Variants in MALRD1 observed in about 807,000 individuals in gnomAD.
The protein encoded by MALRD1 is MAM and LDL-receptor class A domain-containing protein 1.
In MALRD1, 247 loss-of-function variants were observed where a neutral mutation model predicts 242.1. The ratio of observed to expected loss-of-function variants is 1.02; its 90% CI spans 0.92 to 1.13. The LOEUF (loss-of-function observed/expected upper bound fraction) is 1.13, where lower values mean the gene tolerates loss of function less well. Among genes scored for constraint, MALRD1 ranks in the 50% most tolerant of loss-of-function variants. The pLI, the probability that MALRD1 is intolerant of heterozygous loss-of-function variation, is 0.00. For synonymous variants in MALRD1, 995 were observed against 866.6 expected (o/e 1.15, Z -2.60); for missense variants, 2,989 against 2,533.1 (o/e 1.18, Z -3.86).
intron 36 of MALRD1, among the ~76,000 whole-genome samples, chr10:19,673,844 T>C (rs571738302): frequency 1.1e-4 from 16 of 151,880 alleles, no homozygotes; most frequent in African/African-American, 3.9e-4. Flanking sequence ...TTAATATATG[T>C]ACATAATATT....
intron 18 of MALRD1, among the ~76,000 whole-genome samples, chr10:19,219,683 C>G (rs772497686): frequency 6.6e-6 from 1 of 152,264 alleles, no homozygotes; most frequent in South Asian, 2.1e-4. Flanking sequence ...CTTGGCCTCC[C>G]AGAGTGTTGG....
At chr10:19,142,731 T>C (rs1833595487) in intron 10 of MALRD1, among the ~76,000 whole-genome samples, 1 of 152,206 alleles carries the variant, frequency 6.6e-6, no homozygotes, top group Non-Finnish European at 1.5e-5. Context: ...TAGATTTTTT[T>C]AGATTTTGCA....
chr10:19,389,870 C>T (rs553167176), intron 28 of MALRD1, among the ~76,000 whole-genome samples: 93 of 152,196 alleles, frequency 6.1e-4, no homozygotes, highest in Admixed American at 1.1e-3. Context: ...CTTTGTTGCC[C>T]AGGCTTATCT....
intron 21 of MALRD1, among the ~76,000 whole-genome samples, chr10:19,294,688 T>C (rs912667963): frequency 6.6e-6 from 1 of 152,174 alleles, no homozygotes; most frequent in Admixed American, 6.5e-5. Context: ...ATTCTCTATC[T>C]TTGGATTTTG....
intron 28 of MALRD1, among the ~76,000 whole-genome samples, chr10:19,436,936 C>G (rs1377405312): frequency 1.3e-5 from 2 of 152,144 alleles, no homozygotes; most frequent in Non-Finnish European, 2.9e-5. Context: ...TTCCCATACT[C>G]CTGGACCACT....
intron 28 of MALRD1, among the ~76,000 whole-genome samples, chr10:19,390,359 T>A (rs1457982339): frequency 6.6e-6 from 1 of 152,194 alleles, no homozygotes; most frequent in East Asian, 1.9e-4. Context: ...CTCAGGAGAA[T>A]CATCAAGGTA....
chr10:19,325,270 C>A (rs1247700868), intron 22 of MALRD1, among the ~76,000 whole-genome samples: 1 of 151,942 alleles, frequency 6.6e-6, no homozygotes, highest in East Asian at 1.9e-4. Flanking sequence ...ATAAGAGTCC[C>A]TCTTAACGAA....
At chr10:19,553,187 A>G (rs1835566996) in intron 32 of MALRD1, among the ~76,000 whole-genome samples, 1 of 152,076 alleles carries the variant, frequency 6.6e-6, no homozygotes, top group African/African-American at 2.4e-5. Flanking sequence ...CCCTCAAGAA[A>G]CTGTTAAATA....
chr10:19,521,214 A>G (rs1833866606), intron 31 of MALRD1, among the ~76,000 whole-genome samples: 2 of 152,142 alleles, frequency 1.3e-5, no homozygotes, highest in South Asian at 2.1e-4. Flanking sequence ...AGAATCTTCT[A>G]AATATGTATT....
intron 29 of MALRD1, among the ~76,000 whole-genome samples, chr10:19,478,962 A>G (rs529162001): frequency 6.6e-6 from 1 of 152,324 alleles, no homozygotes; most frequent in South Asian, 2.1e-4. Context: ...AATTCATTGA[A>G]TGTAGGAATT....
At position 19,347,773 on chromosome 10, in the gene MALRD1, A is replaced by G. The variant is rs1300024656; in HGVS notation, c.3904A>G (p.Thr1302Ala). 6.5e-7 allele frequency: 1 copy of G among 1,549,948 alleles called. No individual in the cohort carries two copies. The highest frequency in any genetic ancestry group is 2.4e-5 in the East Asian group (1 of 40,902). ...NSDETTFICR[T>A]SSGRCDFEFD... ...ATATATTTGGAAATATTTTCCAGGT[A>G]CCTCCAGTGGGCGCTGTGATTTCGA... The change falls in exon 25 of 40, where the codon ACC becomes GCC. Residue 1302 changes from threonine (T) to alanine (A), a missense_variant and splice_region_variant. Thr to Ala is a moderately conservative substitution (Grantham distance 58). Coordinates refer to ENST00000454679, the MANE Select transcript of MALRD1 (RefSeq NM_001142308.3).
rs772201744 is a variant in MALRD1, at chr10:19,389,610, G to A, written c.4845+1G>A. The stretch of plus-strand genomic sequence containing the variant: ...AGGATCCATTCAGATTCTCATCAAG[G>A]TAGGAACATGGCCTGTGATGCCTCT... On this transcript the variant is annotated splice_donor_variant, in intron 28 of 39. Transcript: ENST00000454679. LOFTEE classifies it high-confidence loss of function. 1 of 1,549,144 alleles carries A rather than the reference G, an allele frequency of 6.5e-7. No individual in the cohort carries two copies. The highest frequency in any genetic ancestry group is 1.2e-5 in the South Asian group (1 of 83,868).
rs763444630 is a variant in MALRD1 at position 19,257,648 on chromosome 10, C to G, written c.2992-36C>G. 5.7e-6 allele frequency: 8 copies of G among 1,397,614 alleles called. No homozygotes were observed. The African/African-American group carries it at 1.1e-4, about 20-fold the overall frequency. The allele number at this position is 1,397,614 out of a possible 1,614,324, so 86.6% of individuals were successfully genotyped here. ...CTTAATTTCCTTTACCACATAAACA[C>G]ATTTCTTATTTTTATTTTTTATTTT... On this transcript the variant is annotated intron_variant, in intron 18 of 39. Transcript: ENST00000454679.
intron 33 of MALRD1, among the ~76,000 whole-genome samples, chr10:19,577,955 G>A (rs1189048453): frequency 1.3e-5 from 2 of 152,118 alleles, no homozygotes; most frequent in African/African-American, 4.8e-5. Flanking sequence ...TTCACAGCCA[G>A]GGTCAGTCTG....
intron 28 of MALRD1, among the ~76,000 whole-genome samples, chr10:19,449,984 T>G (rs942889019): frequency 2.6e-5 from 4 of 152,198 alleles, no homozygotes; most frequent in African/African-American, 9.7e-5. Context: ...CTCAGCAGAT[T>G]GTTTCAGTAT....
chr10:19,118,740 G>A (rs192962017), intron 5 of MALRD1, among the ~76,000 whole-genome samples: 26 of 152,216 alleles, frequency 1.7e-4, no homozygotes, highest in Admixed American at 8.5e-4. Context: ...GGTTAACTTC[G>A]GAATGTCTGT....
rs1028979935 is a variant in MALRD1, at chr10:19,701,104, G to T, written c.6314+8550G>T. Reference sequence around the variant, plus strand: ...GTCAAGGCTGCAATGAGCTGTGATTGTGCCACTGTACTCCAGCCTGGGTGA... The same window carrying T: ...GTCAAGGCTGCAATGAGCTGTGATTTTGCCACTGTACTCCAGCCTGGGTGA... On this transcript the variant is annotated intron_variant, in intron 38 of 39. Coordinates refer to ENST00000454679, the MANE Select transcript of MALRD1 (RefSeq NM_001142308.3). 2.0e-5 allele frequency among the ~76,000 whole-genome samples: 3 copies of T among 152,274 alleles called. No individual in the cohort carries two copies. The South Asian group carries it at 6.2e-4, about 32-fold the overall frequency.
rs116475658 is a variant in MALRD1 at position 19,199,538 on chromosome 10, C to T, written c.1952-4190C>T. 9.6e-3 allele frequency among the ~76,000 whole-genome samples: 1,455 copies of T among 152,224 alleles called. 21 individuals are homozygous for T. The highest frequency in any genetic ancestry group is 0.031 in the African/African-American group (1,304 of 41,514). On this transcript the variant is annotated intron_variant, in intron 14 of 39. Transcript: ENST00000454679. ...GACACGGGCCAGGTGCAGTGGCTCA[C>T]GCCTGTAATCTCAGTACTTTGAGAG...
chr10:19,664,458 T>A (rs1310890556), intron 36 of MALRD1, among the ~76,000 whole-genome samples: 1 of 152,008 alleles, frequency 6.6e-6, no homozygotes, highest in East Asian at 1.9e-4. Flanking sequence ...TTAATTGCTT[T>A]CCTAGTAATT....
Sources: gnomAD v4.1 joint callset for allele counts (sites outside exome capture counted in the v4.1 genomes callset) on GRCh38, gnomAD v4.1.1 for gene constraint, MANE v1.5 for transcripts, NCBI Gene and HGNC (gene_info 2026-07-23, HGNC 2026-07-21) for gene names.